The following IL3RA variants were observed in gnomAD, a reference collection of about 807,000 sequenced individuals.
IL3RA encodes the protein interleukin 3 receptor subunit alpha, also known as interleukin-3 receptor subunit alpha.
Under a neutral mutation model 52.3 loss-of-function variants are expected in IL3RA, and 73 were observed. That is an observed-to-expected ratio of 1.40 (90% CI 1.16 to 1.70). The LOEUF (loss-of-function observed/expected upper bound fraction) is 1.70, where lower values mean the gene tolerates loss of function less well. IL3RA is among the 40% of genes most tolerant of loss of function. The pLI is 0.00. For missense variants in IL3RA, 664 were observed against 504.4 expected (o/e 1.32, Z -3.03); for synonymous variants, 260 against 194.0 (o/e 1.34, Z -2.83).
intron 11 of IL3RA, among the ~76,000 whole-genome samples, chrX:1,382,039 G>A (rs776600896): frequency 1.0e-4 from 15 of 149,474 alleles, no homozygotes; most frequent in East Asian, 8.1e-4. Context: ...CCACCTTCCC[G>A]GTTGAAGGTT....
chrX:1,339,121 T>C (rs1409286476), intron 1 of IL3RA, among the ~76,000 whole-genome samples: 27 of 151,926 alleles, frequency 1.8e-4, no homozygotes, highest in Admixed American at 1.4e-3. Flanking sequence ...ATTATAGGCG[T>C]GAGCCACCGC....
intron 4 of IL3RA, 48 bp downstream of exon 4, chrX:1,348,593 T>C (rs759897527): frequency 1.5e-6 from 2 of 1,291,142 alleles, no homozygotes; most frequent in Non-Finnish European, 2.3e-6. Context: ...CCTCCCTCCT[T>C]CCCTCTCTCC....
At chrX:1,360,412 C>T (rs1175932457) in intron 8 of IL3RA, among the ~76,000 whole-genome samples, 3 of 151,246 alleles carry the variant, frequency 2.0e-5, no homozygotes, top group African/African-American at 7.3e-5. Flanking sequence ...GTCTCTGTCT[C>T]TCCCTCTTTC....
intron 2 of IL3RA, among the ~76,000 whole-genome samples, chrX:1,343,889 G>A (rs1228033525): frequency 3.1e-4 from 46 of 147,962 alleles, no homozygotes; most frequent in Non-Finnish European, 6.0e-4. Context: ...TCCGCCTCCC[G>A]AGTTCCAGTG....
intron 10 of IL3RA, among the ~76,000 whole-genome samples, chrX:1,379,156 T>C (rs2089003066): frequency 6.8e-6 from 1 of 147,320 alleles, no homozygotes. Flanking sequence ...ATTATTATTA[T>C]TGTTATGATT....
At chrX:1,340,758 G>A (rs1365376449) in intron 1 of IL3RA, among the ~76,000 whole-genome samples, 22 of 152,116 alleles carry the variant, frequency 1.4e-4, no homozygotes, top group Non-Finnish European at 3.2e-4. Context: ...GGAAAAGGCG[G>A]GCGGATCACC....
chrX:1,343,278 C>T lies in IL3RA; in HGVS notation c.64+1449C>T, dbSNP rs139985359. ...CTTACAGTTTATAAAGTCATTTCCTCAAGTTTTCTAAGTGGCCGATCAGAG... is the reference window on the plus strand; with the variant it reads ...CTTACAGTTTATAAAGTCATTTCCTTAAGTTTTCTAAGTGGCCGATCAGAG... On this transcript the variant is annotated intron_variant, in intron 2 of 11. Transcript: ENST00000331035. Among the ~76,000 whole-genome samples the T allele has an allele frequency of 5.1e-3, 780 of 152,106 alleles. 3 individuals carry two copies. The highest frequency in any genetic ancestry group is 6.8e-3 in the Non-Finnish European group (460 of 67,992).
intron 8 of IL3RA, among the ~76,000 whole-genome samples, chrX:1,361,755 GAA>G (rs1156722120): frequency 0.18 from 14,698 of 81,758 alleles, 731 homozygotes; most frequent in East Asian, 0.23. Flanking sequence ...TCCGTCTCGA[GAA>G]AAAAAAAAAA....
intron 1 of IL3RA, among the ~76,000 whole-genome samples, chrX:1,337,652 A>G (rs1180744891): frequency 1.4e-5 from 2 of 147,146 alleles, no homozygotes; most frequent in Non-Finnish European, 3.0e-5. Flanking sequence ...ACGAATGGAT[A>G]AATATAATGT....
intron 11 of IL3RA, 52 bp downstream of exon 11, chrX:1,381,156 TGGGAGGCCCAGGC>T (rs1256007841): frequency 6.4e-7 from 1 of 1,555,934 alleles, no homozygotes; most frequent in Non-Finnish European, 8.9e-7. Context: ...GTGGCCACTT[TGGGAGGCCCAGGC>T]GGGCGGACCA....
intron 11 of IL3RA, among the ~76,000 whole-genome samples, chrX:1,381,991 C>T (rs1269057078): frequency 1.3e-5 from 2 of 151,778 alleles, no homozygotes; most frequent in Non-Finnish European, 2.9e-5. Context: ...GTTGCCCCGG[C>T]TGGAGTGCAA....
chrX:1,361,193 C>G (rs2087312503), intron 8 of IL3RA, among the ~76,000 whole-genome samples: 1 of 74,458 alleles, frequency 1.3e-5, no homozygotes, highest in South Asian at 4.4e-4. Context: ...CTCTCTCTCT[C>G]TCCATTCCCC....
intron 6 of IL3RA, among the ~76,000 whole-genome samples, chrX:1,353,138 C>T (rs1238401241): frequency 5.4e-4 from 80 of 148,874 alleles, no homozygotes; most frequent in African/African-American, 1.9e-3. Context: ...ATCATGGGTT[C>T]CACCATGAGT....
chrX:1,341,374 C>CAT (rs200170712), intron 1 of IL3RA, among the ~76,000 whole-genome samples: 141,948 of 151,992 alleles, frequency 0.93, 66,683 homozygotes, highest in Non-Finnish European at 0.99. Flanking sequence ...AATGTACACA[C>CAT]GTGCAAGCAC....
chrX:1,344,519 A>C (rs1359457057), intron 2 of IL3RA, among the ~76,000 whole-genome samples: 2 of 151,248 alleles, frequency 1.3e-5, no homozygotes, highest in African/African-American at 2.4e-5. Context: ...TCATGCTTGT[A>C]ATCCCAGCAC....
intron 4 of IL3RA, among the ~76,000 whole-genome samples, chrX:1,349,915 G>C (rs1235965704): frequency 1.3e-5 from 2 of 151,976 alleles, no homozygotes; most frequent in South Asian, 2.1e-4. Flanking sequence ...GCCTCCCAAA[G>C]TGCTGGGATG....
rs182140601 is a variant in IL3RA at position 1,345,062 on chromosome X, G to A, written c.65-254G>A. The stretch of plus-strand genomic sequence containing the variant: ...CGGGCGCCTGTAGTCCCAGCTACTC[G>A]GGAGGCTGAGGCAGGAGAGTTGCTT... On this transcript the variant is annotated intron_variant, in intron 2 of 11. Coordinates refer to ENST00000331035, the MANE Select transcript of IL3RA (RefSeq NM_002183.4). 3.7e-3 allele frequency among the ~76,000 whole-genome samples: 566 copies of A among 151,278 alleles called. 10 individuals are homozygous for A. The highest frequency in any genetic ancestry group is 0.029 in the Admixed American group (438 of 15,152).
intron 3 of IL3RA, among the ~76,000 whole-genome samples, chrX:1,347,491 A>G (rs1384286077): frequency 3.3e-5 from 5 of 151,534 alleles, no homozygotes; most frequent in Non-Finnish European, 7.4e-5. Context: ...ATACAAGTAG[A>G]TTAATGAAAT....
chrX:1,365,335 TGCGCGGGGTG>T lies in IL3RA; in HGVS notation c.874+84_874+93del, dbSNP rs1284056048. 56 of 595,298 alleles carry T rather than the reference TGCGCGGGGTG, an allele frequency of 9.4e-5. 13 individuals carry two copies. In the Middle Eastern group the frequency reaches 2.4e-3, roughly 26 times the overall value. The allele number at this position is 595,298 out of a possible 1,614,324, so 36.9% of individuals were successfully genotyped here. A position where few individuals can be genotyped will look rare whatever the true frequency, so the allele number is the denominator to read the frequency against. ...AGCGGGGTGCGCGGGGTGAGCGGGG[TGCGCGGGGTG>T]AGCGGGGTGAGCGGGGTGAGCCGGG... On this transcript the variant is annotated intron_variant, in intron 9 of 11. Transcript: ENST00000331035.
Sources: gnomAD v4.1 joint callset for allele counts (sites outside exome capture counted in the v4.1 genomes callset) on GRCh38, gnomAD v4.1.1 for gene constraint, MANE v1.5 for transcripts, NCBI Gene and HGNC (gene_info 2026-07-23, HGNC 2026-07-21) for gene names.